The following TNRC6C variants were observed in gnomAD, a reference collection of about 807,000 sequenced individuals.
The protein encoded by TNRC6C is trinucleotide repeat-containing gene 6C protein.
A neutral mutation model predicts 153.7 loss-of-function variants in TNRC6C; 20 were observed. The ratio of observed to expected loss-of-function variants is 0.13; its 90% CI spans 0.09 to 0.19. The LOEUF (loss-of-function observed/expected upper bound fraction) is 0.19, where lower values mean the gene tolerates loss of function less well. Ranked by LOEUF, TNRC6C falls within the 10% of genes least tolerant of loss-of-function variation. TNRC6C has a pLI of 1.00. For synonymous variants in TNRC6C, 811 were observed against 841.4 expected, an observed-to-expected ratio of 0.96 and a Z score of 0.63; for missense variants, 1,987 against 2,172.0, an observed-to-expected ratio of 0.91 and a Z score of 1.69.
chr17:78,011,225 A>T (rs2071623434), intron 1 of TNRC6C, among the ~76,000 whole-genome samples: 1 of 152,144 alleles, frequency 6.6e-6, no homozygotes, highest in African/African-American at 2.4e-5. Context: ...ATTTAAAGAG[A>T]AGAAATAGAT....
At chr17:78,006,824 A>ATTTTTTTT (rs1403015208) in intron 1 of TNRC6C, among the ~76,000 whole-genome samples, 1 of 145,248 alleles carries the variant, frequency 6.9e-6, no homozygotes, top group South Asian at 2.1e-4. Flanking sequence ...TTATTTATTT[A>ATTTTTTTT]TTTATTTTTT....
intron 2 of TNRC6C, among the ~76,000 whole-genome samples, chr17:78,035,955 T>C (rs2072170036): frequency 6.6e-6 from 1 of 152,212 alleles, no homozygotes; most frequent in African/African-American, 2.4e-5. Flanking sequence ...AAGTGACTCC[T>C]ACGGTCACTT....
At chr17:77,985,161 G>T (rs767291450) in intron 1 of TNRC6C, among the ~76,000 whole-genome samples, 1 of 152,172 alleles carries the variant, frequency 6.6e-6, no homozygotes, top group Non-Finnish European at 1.5e-5. Flanking sequence ...TTTAAAGCAT[G>T]ATCAGTGTTA....
At chr17:78,067,668 C>T (rs2072908628) in intron 4 of TNRC6C, 89 bp from the exon 7 acceptor site, 1 of 1,400,708 alleles carries the variant, frequency 7.1e-7, no homozygotes, top group Middle Eastern at 2.5e-4. Flanking sequence ...CATCATTTGT[C>T]CCACGACCCC....
chr17:78,007,358 A>T (rs1448675325), intron 1 of TNRC6C, among the ~76,000 whole-genome samples: 1 of 152,238 alleles, frequency 6.6e-6, no homozygotes, highest in Non-Finnish European at 1.5e-5. Context: ...TTCATTGATG[A>T]ATATTAGCAG....
chr17:77,996,726 C>T (rs2071334179), intron 1 of TNRC6C, among the ~76,000 whole-genome samples: 1 of 152,204 alleles, frequency 6.6e-6, no homozygotes, highest in South Asian at 2.1e-4. Context: ...GTTGCAGTAA[C>T]TTCCAGCCCT....
chr17:77,978,772 C>G (rs1339305481), intron 1 of TNRC6C, among the ~76,000 whole-genome samples: 1 of 152,100 alleles, frequency 6.6e-6, no homozygotes, highest in Non-Finnish European at 1.5e-5. Flanking sequence ...CCTTCTTACC[C>G]CCTAAAAACC....
intron 9 of TNRC6C, among the ~76,000 whole-genome samples, chr17:78,078,923 T>G (rs545527352): frequency 6.6e-6 from 1 of 152,256 alleles, no homozygotes; most frequent in South Asian, 2.1e-4. Flanking sequence ...AAACCCCGTC[T>G]CTACTAAAAA....
intron 1 of TNRC6C, among the ~76,000 whole-genome samples, chr17:77,984,241 C>T (rs1377088945): frequency 6.6e-6 from 1 of 152,036 alleles, no homozygotes; most frequent in Non-Finnish European, 1.5e-5. Flanking sequence ...GTCTTCCCAG[C>T]CAGGCACGGT....
intron 17 of TNRC6C, among the ~76,000 whole-genome samples, chr17:78,099,794 C>G (rs1234898857): frequency 6.6e-6 from 1 of 152,226 alleles, no homozygotes; most frequent in East Asian, 1.9e-4. Context: ...TCAGCATTAA[C>G]TCAGAAGTCC....
chr17:78,012,181 A>G (rs1257465724), intron 1 of TNRC6C: 2 of 152,252 alleles, frequency 1.3e-5, no homozygotes, highest in Admixed American at 6.5e-5. Context: ...ATAACCAAAG[A>G]TTACATTAAT....
chr17:78,096,045 C>G (rs549097971), intron 16 of TNRC6C, among the ~76,000 whole-genome samples: 4 of 151,968 alleles, frequency 2.6e-5, no homozygotes, highest in African/African-American at 9.7e-5. Flanking sequence ...AGCAAGACTT[C>G]GTCTCAAAAA....
Position 78,104,668 on chromosome 17 carries a change from C to G in TNRC6C, c.4896C>G (p.His1632Gln), listed in dbSNP as rs748359410. Residue 1632 changes from histidine (H) to glutamine (Q), a missense_variant, in exon 20 of 20, where the codon CAC (histidine) becomes CAG (glutamine). His to Gln is a conservative substitution (Grantham distance 24). This residue lies in a region of TNRC6C where 139 missense variants were observed against 148.5 expected (regional missense o/e 0.94). Transcript: ENST00000301624. The surrounding 1 kb of genome is among the most constrained non-coding windows in gnomAD (Gnocchi z 6.2). The stretch of plus-strand genomic sequence containing the variant: ...GCCTGGTACGCAGCGACGCTGGCCA[C>G]TGGAACGCCCCGTGCCTGGGTGGCA... 9.1e-6 allele frequency: 14 copies of G among 1,543,496 alleles called. No homozygotes were observed. The South Asian group carries it at 1.5e-4, about 17-fold the overall frequency.
intron 1 of TNRC6C, among the ~76,000 whole-genome samples, chr17:77,984,542 C>T (rs1466578057): frequency 2.6e-5 from 4 of 152,114 alleles, no homozygotes; most frequent in Non-Finnish European, 4.4e-5. Context: ...GGGGGTATCT[C>T]TCCACTCCCT....
At chr17:78,024,995 T>C (rs760261918) in intron 1 of TNRC6C, among the ~76,000 whole-genome samples, 3 of 151,744 alleles carry the variant, frequency 2.0e-5, no homozygotes, top group Non-Finnish European at 2.9e-5. Flanking sequence ...GGTTTCACCA[T>C]GTTAGCCAGT....
intron 1 of TNRC6C, among the ~76,000 whole-genome samples, chr17:78,010,218 G>A (rs929734597): frequency 1.3e-5 from 2 of 152,192 alleles, no homozygotes; most frequent in African/African-American, 4.8e-5. Flanking sequence ...TTTATAAAGA[G>A]TATAATTTTA....
intron 1 of TNRC6C, among the ~76,000 whole-genome samples, chr17:77,968,614 A>T (rs182424198): frequency 6.3e-4 from 96 of 152,320 alleles, no homozygotes; most frequent in African/African-American, 2.3e-3. Context: ...AAGTGCTGGG[A>T]TTACAGGCGT....
intron 1 of TNRC6C, among the ~76,000 whole-genome samples, chr17:78,028,546 A>G (rs1363702786): frequency 6.6e-6 from 1 of 152,168 alleles, no homozygotes; most frequent in African/African-American, 2.4e-5. Context: ...AGTGACAGAT[A>G]GACAGTGAGG....
At chr17:77,982,123 G>A (rs551738830) in intron 1 of TNRC6C, among the ~76,000 whole-genome samples, 1 of 152,276 alleles carries the variant, frequency 6.6e-6, no homozygotes, top group East Asian at 1.9e-4. Context: ...AAGCCAGGAA[G>A]AGGGTCTTCA....
Sources: allele counts gnomAD v4.1 joint callset (sites outside exome capture counted in the v4.1 genomes callset), GRCh38; gene constraint gnomAD v4.1.1; regional missense constraint gnomAD v4.1.1; non-coding constraint Gnocchi (gnomAD v3.1); transcripts MANE v1.5; gene names NCBI Gene and HGNC (gene_info 2026-07-23, HGNC 2026-07-21).